The following ESR2 variants were observed in gnomAD, a reference collection of about 807,000 sequenced individuals.
ESR2 encodes the protein estrogen receptor beta.
A neutral mutation model predicts 49.6 loss-of-function variants in ESR2; 36 were observed. That is an observed-to-expected ratio of 0.73 (90% confidence interval 0.56 to 0.96). The LOEUF (loss-of-function observed/expected upper bound fraction) is 0.96, where lower values mean the gene tolerates loss of function less well. Among genes scored for constraint, ESR2 ranks in the 40% least tolerant of loss-of-function variants. The pLI is 0.00. For missense variants in ESR2, 714 were observed against 693.0 expected, an observed-to-expected ratio of 1.03 and a Z score of -0.34; for synonymous variants, 320 against 266.1, an observed-to-expected ratio of 1.20 and a Z score of -1.97.
At chr14:64,266,769 T>C (rs1417869730) in intron 4 of ESR2, among the ~76,000 whole-genome samples, 1 of 152,204 alleles carries the variant, frequency 6.6e-6, no homozygotes, top group East Asian at 1.9e-4. Flanking sequence ...TTCTAAAGAA[T>C]TCTGAATTCA....
chr14:64,231,283 C>T lies in ESR2; in HGVS notation c.*1854G>A, dbSNP rs974975204. 8 of 152,196 alleles carry T rather than the reference C, an allele frequency of 5.3e-5. No homozygotes were observed. The highest frequency in any genetic ancestry group is 1.9e-4 in the African/African-American group (8 of 41,450). 9.4% of individuals were successfully genotyped at this position (152,196 alleles called of 1,614,324 possible). On this transcript the variant is annotated 3_prime_UTR_variant, in exon 9 of 9. Coordinates refer to ENST00000341099, the MANE Select transcript of ESR2 (RefSeq NM_001437.3). ...ATAATGAGTTGCTGAAGGCTGCCTT[C>T]TTTGCCTCTTACTTCCTACTCTCCA...
At position 64,260,603 on chromosome 14, in the gene ESR2, C is replaced by T. The variant is rs767333417; in HGVS notation, c.798G>A (p.Glu266=). The T allele has an allele frequency of 6.2e-7, 1 of 1,610,786 alleles. No homozygotes were observed. Among genetic ancestry groups the T allele is most frequent in the South Asian group, 1.1e-5 (1 of 90,722 alleles). ...RELLLDALSP[E]QLVLTLLEAE... Reference sequence around the variant, plus strand: ...CCTCCAGGAGGGTGAGCACTAGCTGCTCGGGGCTCAGGGCGTCCAGCAGCA... The same window carrying T: ...CCTCCAGGAGGGTGAGCACTAGCTGTTCGGGGCTCAGGGCGTCCAGCAGCA... Residue 266 remains glutamate (E), a synonymous_variant, in exon 5 of 9, where the codon GAG becomes GAA. Transcript: ENST00000341099.
chr14:64,273,561 T>C (rs982571387), intron 3 of ESR2, among the ~76,000 whole-genome samples: 1 of 152,176 alleles, frequency 6.6e-6, no homozygotes, highest in Non-Finnish European at 1.5e-5. Flanking sequence ...CAATTGAAAT[T>C]ATATGGTTTT....
intron 6 of ESR2, among the ~76,000 whole-genome samples, chr14:64,253,335 C>A (rs1185382627): frequency 6.6e-6 from 1 of 151,792 alleles, no homozygotes; most frequent in Non-Finnish European, 1.5e-5. Context: ...GGATTACAGG[C>A]GCCTGCCACC....
In ESR2 at chr14:64,323,972, G is replaced by A. The variant is rs893376632; in HGVS notation, c.-91+13926C>T. ...CTCCCAAAGTGCTGGGATTACAGGC[G>A]TGAGCCACTGCCCCCAGCCAGTCCT... On this transcript the variant is annotated intron_variant, in intron 1 of 8. Coordinates refer to the ESR2 transcript ENST00000358599. 5.9e-5 allele frequency among the ~76,000 whole-genome samples: 9 copies of A among 152,284 alleles called. No homozygotes were observed. The South Asian group carries it at 6.2e-4, about 11-fold the overall frequency.
chr14:64,250,854 GCACT>G (rs2075971710), intron 6 of ESR2, among the ~76,000 whole-genome samples: 1 of 152,166 alleles, frequency 6.6e-6, no homozygotes, highest in South Asian at 2.1e-4. Flanking sequence ...GCATTCCGAA[GCACT>G]CACACTCTCC....
At chr14:64,234,217 A>G (rs1193171937) in intron 8 of ESR2, 1 of 152,250 alleles carries the variant, frequency 6.6e-6, no homozygotes, top group African/African-American at 2.4e-5. Flanking sequence ...TCTTCATCTC[A>G]CTTAAGATTC....
chr14:64,260,950 T>C (rs1179868587), intron 4 of ESR2, among the ~76,000 whole-genome samples: 1 of 150,124 alleles, frequency 6.7e-6, no homozygotes, highest in African/African-American at 2.4e-5. Context: ...ACTAACACCG[T>C]TTCTCTATAA....
At chr14:64,260,883 C>G (rs2076207165) in intron 4 of ESR2, 135 bp from the exon 5 acceptor site, 1 of 712,372 alleles carries the variant, frequency 1.4e-6, no homozygotes, top group Non-Finnish European at 2.0e-6. Flanking sequence ...CTAGCAAAAC[C>G]AACGACATAA....
intron 1 of ESR2, among the ~76,000 whole-genome samples, chr14:64,311,826 AC>A (rs1295719165): frequency 2.0e-5 from 3 of 152,100 alleles, no homozygotes; most frequent in Admixed American, 1.3e-4. Context: ...AAAAACAAAA[AC>A]AAAAACAAAA....
intron 1 of ESR2, among the ~76,000 whole-genome samples, chr14:64,320,712 G>A (rs919179487): frequency 1.3e-5 from 2 of 152,026 alleles, no homozygotes; most frequent in African/African-American, 4.8e-5. Context: ...GACCAACATG[G>A]TGAAATCCTG....
At chr14:64,282,113 G>A (rs1005266302) in intron 2 of ESR2, among the ~76,000 whole-genome samples, 9 of 152,198 alleles carry the variant, frequency 5.9e-5, no homozygotes, top group African/African-American at 1.9e-4. Context: ...GGAGGCCAAG[G>A]CAGGTGGATC....
In ESR2 at chr14:64,264,170, C is replaced by T. The variant is rs560205942; in HGVS notation, c.653-3422G>A. ...AATCTGCAAAATGCTTGGTTTTATA[C>T]ACCCATCATTATGTTTATTCACTAA... On this transcript the variant is annotated intron_variant, in intron 4 of 8. Transcript: ENST00000341099. Among the ~76,000 whole-genome samples the T allele has an allele frequency of 5.3e-5, 8 of 152,276 alleles. No homozygotes were observed. The East Asian group carries it at 1.5e-3, about 29-fold the overall frequency.
intron 1 of ESR2, among the ~76,000 whole-genome samples, chr14:64,300,300 T>G (rs2077007771): frequency 6.6e-6 from 1 of 152,228 alleles, no homozygotes; most frequent in Non-Finnish European, 1.5e-5. Context: ...TTCCTAGCAC[T>G]GAGGCTGTCA....
chr14:64,248,289 G>C (rs762624235), intron 7 of ESR2, among the ~76,000 whole-genome samples: 3 of 152,016 alleles, frequency 2.0e-5, no homozygotes, highest in African/African-American at 7.2e-5. Flanking sequence ...AGGACTGCTT[G>C]AGGCCAGGAG....
At chr14:64,250,839 A>G (rs1167976126) in intron 6 of ESR2, among the ~76,000 whole-genome samples, 1 of 152,194 alleles carries the variant, frequency 6.6e-6, no homozygotes, top group African/African-American at 2.4e-5. Context: ...ACTCACCGGG[A>G]TCCTGCATTC....
At chr14:64,277,625 CAAAAAAAAA>C (rs55742946) in intron 3 of ESR2, among the ~76,000 whole-genome samples, 2 of 92,358 alleles carry the variant, frequency 2.2e-5, no homozygotes, top group African/African-American at 4.0e-5. Flanking sequence ...ACTCCATCTC[CAAAAAAAAA>C]AAAAAAAAAA....
At chr14:64,321,325 AT>A (rs892686865) in intron 1 of ESR2, among the ~76,000 whole-genome samples, 3 of 151,960 alleles carry the variant, frequency 2.0e-5, no homozygotes, top group Admixed American at 6.6e-5. Context: ...AAAAAAAAAA[AT>A]CTTTTTTGGG....
chr14:64,267,690 C>T (rs2076359347), intron 4 of ESR2, among the ~76,000 whole-genome samples: 1 of 149,778 alleles, frequency 6.7e-6, no homozygotes, highest in Admixed American at 6.7e-5. Flanking sequence ...TCCTGGCTAA[C>T]ATGATGAAAC....
Sources: allele counts gnomAD v4.1 joint callset (sites outside exome capture counted in the v4.1 genomes callset), GRCh38; gene constraint gnomAD v4.1.1; transcripts MANE v1.5; gene names NCBI Gene and HGNC (gene_info 2026-07-23, HGNC 2026-07-21).